The following BST1 variants were observed in gnomAD, a reference collection of about 807,000 sequenced individuals.
BST1 encodes the protein ADP-ribosyl cyclase/cyclic ADP-ribose hydrolase 2.
In BST1, 49 loss-of-function variants were observed where a neutral mutation model predicts 40.6. That is an observed-to-expected ratio of 1.21 (90% CI 0.96 to 1.53). The LOEUF is 1.53. BST1 is among the 40% of genes most tolerant of loss of function. BST1 has a pLI of 0.00. For synonymous variants in BST1, 157 were observed against 159.3 expected (o/e 0.99, Z 0.11); for missense variants, 423 against 395.9 (o/e 1.07, Z -0.58).
intron 7 of BST1, 52 bp from the exon 8 acceptor site, chr4:15,722,823 G>A: frequency 2.0e-6 from 3 of 1,522,672 alleles, no homozygotes; most frequent in Non-Finnish European, 2.7e-6. Context: ...ATAAATGGTT[G>A]ATGGATGAAA....
chr4:15,759,217 A>G, the BST1 span, among the ~76,000 whole-genome samples: 1 of 151,994 alleles, frequency 6.6e-6, no homozygotes, highest in South Asian at 2.1e-4. Context: ...TCCAGATTAT[A>G]CTACTGGTCC....
chr4:15,770,458 A>G, the BST1 span, among the ~76,000 whole-genome samples: 1 of 152,254 alleles, frequency 6.6e-6, no homozygotes, highest in South Asian at 2.1e-4. Flanking sequence ...TAATCCCAGA[A>G]CTTTGGGAGG....
rs543409448 is a variant in BST1, at chr4:15,708,617, G to A, written c.451+971G>A. On this transcript the variant is annotated intron_variant, in intron 3 of 8. Transcript: ENST00000265016. ...TATCAGGCCGGGCATGGTAGCTCACGCTTGTAATCCTAGCACTTTGGGAGG... is the reference window on the plus strand; with the variant it reads ...TATCAGGCCGGGCATGGTAGCTCACACTTGTAATCCTAGCACTTTGGGAGG... Among the ~76,000 whole-genome samples, 8 of 152,206 alleles carry A rather than the reference G, an allele frequency of 5.3e-5. No individual in the cohort carries two copies. The East Asian group carries it at 5.8e-4, about 11-fold the overall frequency.
At chr4:15,730,237 A>G (rs1398342955) in intron 8 of BST1, among the ~76,000 whole-genome samples, 1 of 152,246 alleles carries the variant, frequency 6.6e-6, no homozygotes, top group East Asian at 1.9e-4. Context: ...TATATTTCCA[A>G]GCCAACATTA....
the BST1 span, among the ~76,000 whole-genome samples, chr4:15,770,461 T>C: frequency 6.6e-6 from 1 of 152,046 alleles, no homozygotes; most frequent in Non-Finnish European, 1.5e-5. Context: ...TCCCAGAACT[T>C]TGGGAGGCCG....
At chr4:15,718,770 A>C in intron 6 of BST1, 137 bp from the exon 7 acceptor site, 3 of 690,314 alleles carry the variant, frequency 4.3e-6, no homozygotes, top group Non-Finnish European at 7.0e-6. Flanking sequence ...TTTTTAAACC[A>C]GAGACATTCC....
chr4:15,752,649 A>G, the BST1 span, among the ~76,000 whole-genome samples: 1 of 152,002 alleles, frequency 6.6e-6, no homozygotes, highest in Non-Finnish European at 1.5e-5. Flanking sequence ...CAGCCTCCCA[A>G]GCCATTCTTA....
chr4:15,755,796 G>GA, the BST1 span, among the ~76,000 whole-genome samples: 600 of 147,752 alleles, frequency 4.1e-3, 6 homozygotes, highest in African/African-American at 0.014. Flanking sequence ...AACCCTATTT[G>GA]AAAAAAAAAA....
the BST1 span, among the ~76,000 whole-genome samples, chr4:15,746,587 T>G: frequency 2.0e-5 from 3 of 152,192 alleles, no homozygotes; most frequent in Admixed American, 2.0e-4. Context: ...GATAACACCA[T>G]TAATCCCTTC....
At chr4:15,721,637 C>G (rs1270184644) in intron 7 of BST1, among the ~76,000 whole-genome samples, 1 of 140,132 alleles carries the variant, frequency 7.1e-6, no homozygotes, top group Non-Finnish European at 1.5e-5. Flanking sequence ...TAGGGAATAT[C>G]ACACACTGGG....
At chr4:15,764,890 G>A in the BST1 span, among the ~76,000 whole-genome samples, 1 of 151,790 alleles carries the variant, frequency 6.6e-6, no homozygotes, top group Admixed American at 6.6e-5. Flanking sequence ...GTGTGTGTGT[G>A]TGTGTGTTTT....
chr4:15,718,723 C>T (rs936304754), intron 6 of BST1, among the ~76,000 whole-genome samples, 184 bp from the exon 7 acceptor site: 1 of 152,192 alleles, frequency 6.6e-6, no homozygotes, highest in Non-Finnish European at 1.5e-5. Context: ...CTCAGAGCAT[C>T]GTCTCTTGGG....
chr4:15,768,353 T>C, the BST1 span, among the ~76,000 whole-genome samples: 2 of 152,226 alleles, frequency 1.3e-5, no homozygotes, highest in Admixed American at 1.3e-4. Context: ...GAAAGCTTCA[T>C]GGGTTTTAGA....
At position 15,705,642 on chromosome 4, in the gene BST1, G is replaced by T. The variant is rs754739127; in HGVS notation, c.315+1G>T. The T allele has an allele frequency of 1.2e-6, 2 of 1,613,960 alleles. No homozygotes were observed. The highest frequency in any genetic ancestry group is 1.7e-5 in the Admixed American group (1 of 60,002). ...CAGGCACTCTATTCCCAGAGATAAG[G>T]TAACACCACAACCATCTTGGGTAAA... On this transcript the variant is annotated splice_donor_variant, in intron 2 of 8. Coordinates refer to ENST00000265016, the MANE Select transcript of BST1 (RefSeq NM_004334.3). LOFTEE classifies it high-confidence loss of function.
the BST1 span, among the ~76,000 whole-genome samples, chr4:15,748,633 G>A: frequency 0.014 from 2,121 of 152,298 alleles, 55 homozygotes; most frequent in African/African-American, 0.048. Flanking sequence ...TGCTGTGCTT[G>A]TAGGATTTTC....
chr4:15,730,983 G>T, intron 8 of BST1: 1 of 508,098 alleles, frequency 2.0e-6, no homozygotes, highest in Non-Finnish European at 3.2e-6. Flanking sequence ...ACTGGGGCTT[G>T]CCTATGGTGC....
the BST1 span, among the ~76,000 whole-genome samples, chr4:15,753,400 A>AT: frequency 2.0e-5 from 3 of 152,156 alleles, no homozygotes; most frequent in Non-Finnish European, 4.4e-5. Context: ...TGTAGCAGAG[A>AT]TTTTTTATGT....
intron 3 of BST1, among the ~76,000 whole-genome samples, chr4:15,710,605 C>T (rs1720141831): frequency 6.6e-6 from 1 of 152,194 alleles, no homozygotes; most frequent in African/African-American, 2.4e-5. Flanking sequence ...TCTCCAGCCT[C>T]TGGTAGCCAC....
chr4:15,705,046 G>T (rs956233539), intron 1 of BST1: 1 of 715,746 alleles, frequency 1.4e-6, no homozygotes, highest in South Asian at 1.5e-5. Context: ...TGCACTGGAG[G>T]GTGCACCTGC....
Sources: gnomAD v4.1 joint callset for allele counts (sites outside exome capture counted in the v4.1 genomes callset) on GRCh38, gnomAD v4.1.1 for gene constraint, MANE v1.5 for transcripts, NCBI Gene and HGNC (gene_info 2026-07-23, HGNC 2026-07-21) for gene names.